Variants in SCEL observed in about 807,000 individuals in gnomAD.
SCEL encodes sciellin.
SCEL carries 113 observed loss-of-function variants against 117.6 expected under a neutral mutation model. That is an observed-to-expected ratio of 0.96 (90% CI 0.83 to 1.12). The LOEUF (loss-of-function observed/expected upper bound fraction) is 1.12, where lower values mean the gene tolerates loss of function less well. SCEL is among the 50% of genes most tolerant of loss of function. The pLI, the probability that SCEL is intolerant of heterozygous loss-of-function variation, is 0.00. For missense variants in SCEL, 785 were observed against 810.8 expected (o/e 0.97, Z 0.39); for synonymous variants, 270 against 256.2 (o/e 1.05, Z -0.51).
chr13:77,546,671 TAAC>T (rs1216453967), intron 1 of SCEL, among the ~76,000 whole-genome samples: 2 of 146,656 alleles, frequency 1.4e-5, no homozygotes, highest in African/African-American at 2.5e-5. Context: ...AAGGCTTGAG[TAAC>T]AACAACAACA....
intron 5 of SCEL, among the ~76,000 whole-genome samples, chr13:77,566,916 T>C (rs1435175485): frequency 6.6e-6 from 1 of 152,048 alleles, no homozygotes; most frequent in African/African-American, 2.4e-5. Context: ...CCCAACTTAA[T>C]TGCAATGAAG....
intron 1 of SCEL, among the ~76,000 whole-genome samples, chr13:77,547,403 A>T (rs957358125): frequency 6.6e-6 from 1 of 152,228 alleles, no homozygotes; most frequent in South Asian, 2.1e-4. Flanking sequence ...GAGACTAATT[A>T]TATTTTCAGT....
intron 14 of SCEL, 81 bp downstream of exon 14, chr13:77,599,469 G>A (rs1567400522): frequency 8.3e-7 from 1 of 1,205,336 alleles, no homozygotes; most frequent in Non-Finnish European, 1.2e-6. Flanking sequence ...CTGCAAGGGG[G>A]TTGTATCCTC....
At chr13:77,601,992 G>T in intron 15 of SCEL, 73 bp from the exon 16 acceptor site, 1 of 1,166,126 alleles carries the variant, frequency 8.6e-7, no homozygotes. Flanking sequence ...GTCATTACGA[G>T]AGTCTGAATA....
chr13:77,641,775 G>C (rs2090568113), intron 31 of SCEL, among the ~76,000 whole-genome samples: 1 of 152,096 alleles, frequency 6.6e-6, no homozygotes, highest in Non-Finnish European at 1.5e-5. Flanking sequence ...GCAATACTTT[G>C]TCAATTGATT....
chr13:77,618,755 TA>T (rs2089242311), intron 27 of SCEL, among the ~76,000 whole-genome samples: 1 of 151,714 alleles, frequency 6.6e-6, no homozygotes, highest in African/African-American at 2.4e-5. Flanking sequence ...TGAATACAAT[TA>T]AATAAGGAAA....
intron 28 of SCEL, among the ~76,000 whole-genome samples, chr13:77,632,758 G>C (rs7989005): frequency 6.6e-6 from 1 of 152,170 alleles, no homozygotes; most frequent in African/African-American, 2.4e-5. Context: ...TTCCATAGGA[G>C]AAAGCAAATA....
At chr13:77,564,785 G>A (rs1310147083) in intron 5 of SCEL, among the ~76,000 whole-genome samples, 2 of 152,200 alleles carry the variant, frequency 1.3e-5, no homozygotes, top group African/African-American at 4.8e-5. Context: ...GACTATGCCA[G>A]TGTTGATTAA....
intron 27 of SCEL, among the ~76,000 whole-genome samples, chr13:77,618,535 G>A (rs2089231123): frequency 1.3e-5 from 2 of 151,320 alleles, no homozygotes; most frequent in Admixed American, 1.3e-4. Context: ...TCTTTTGAAG[G>A]CTTTTAGTTT....
In SCEL at chr13:77,608,114, G is replaced by C. The variant is rs753577648; in HGVS notation, c.1216G>C (p.Gly406Arg). Residue 406 changes from glycine to arginine, a missense_variant and splice_region_variant, in exon 20 of 33, where the codon GGT (glycine) becomes CGT (arginine). Physicochemically the swap from Gly to Arg is moderately radical, Grantham distance 125. Coordinates refer to ENST00000349847, the MANE Select transcript of SCEL (RefSeq NM_144777.3). ...CCCTGAAGTAAAGAGAAGTAACCAA[G>C]GGTGAGGACTATGTCTTACCTCTCT... ...VTPEVKRSNQ[G>R]SKDLNNFIKV... The C allele has an allele frequency of 6.2e-6, 10 of 1,610,282 alleles. No individual in the cohort carries two copies. The East Asian group carries it at 2.2e-4, about 36-fold the overall frequency.
chr13:77,597,104 A>AT, intron 12 of SCEL: 1 of 164,264 alleles, frequency 6.1e-6, no homozygotes, highest in Non-Finnish European at 1.3e-5. Context: ...CTATGTGTGG[A>AT]CTCAATTAAA....
intron 1 of SCEL, among the ~76,000 whole-genome samples, chr13:77,553,587 T>G (rs1325524741): frequency 6.6e-6 from 1 of 152,142 alleles, no homozygotes; most frequent in Non-Finnish European, 1.5e-5. Flanking sequence ...CCAGAGTTTA[T>G]CTATGCAGCC....
chr13:77,591,973 C>G (rs900301397), intron 11 of SCEL, among the ~76,000 whole-genome samples: 2 of 152,120 alleles, frequency 1.3e-5, no homozygotes, highest in African/African-American at 4.8e-5. Flanking sequence ...TGTTGTCTTG[C>G]ACATCCTATT....
At chr13:77,602,357 T>A (rs1185829120) in intron 16 of SCEL, 1 of 497,880 alleles carries the variant, frequency 2.0e-6, no homozygotes, top group Non-Finnish European at 3.5e-6. Context: ...TATTCCGTAT[T>A]TTCTTAAATA....
chr13:77,637,237 C>CAT, intron 30 of SCEL, 43 bp downstream of exon 30: 2 of 771,664 alleles, frequency 2.6e-6, no homozygotes, highest in South Asian at 1.7e-5. Context: ...TACACACATA[C>CAT]AGACACACAC....
intron 10 of SCEL, 62 bp downstream of exon 10, chr13:77,589,286 G>T: frequency 1.6e-6 from 2 of 1,250,746 alleles, no homozygotes; most frequent in South Asian, 2.5e-5. Flanking sequence ...GAAAGTAAAT[G>T]GACTGTGACC....
At chr13:77,589,104 G>T in intron 9 of SCEL, 40 bp from the exon 10 acceptor site, 1 of 1,449,890 alleles carries the variant, frequency 6.9e-7, no homozygotes, top group Non-Finnish European at 9.7e-7. Context: ...AATTTACCAT[G>T]TTTCCATGGT....
At chr13:77,630,143 A>G (rs1281736864) in intron 28 of SCEL, among the ~76,000 whole-genome samples, 2 of 152,140 alleles carry the variant, frequency 1.3e-5, no homozygotes, top group African/African-American at 4.8e-5. Flanking sequence ...TTGGGGGAGA[A>G]TGAGACTGAG....
At chr13:77,610,554 A>G (rs1362673019) in intron 22 of SCEL, among the ~76,000 whole-genome samples, 1 of 152,236 alleles carries the variant, frequency 6.6e-6, no homozygotes. Context: ...GTGTTCAAGC[A>G]CTTACCGAAG....
Sources: allele counts gnomAD v4.1 joint callset (sites outside exome capture counted in the v4.1 genomes callset), GRCh38; gene constraint gnomAD v4.1.1; transcripts MANE v1.5; gene names NCBI Gene and HGNC (gene_info 2026-07-23, HGNC 2026-07-21).